Variants in AP4E1 observed in about 807,000 individuals in gnomAD.
AP4E1 encodes AP-4 complex subunit epsilon-1.
Under a neutral mutation model 128.2 loss-of-function variants are expected in AP4E1, and 56 were observed. The ratio of observed to expected loss-of-function variants is 0.44; its 90% CI spans 0.35 to 0.55. The LOEUF (loss-of-function observed/expected upper bound fraction) is 0.55, where lower values mean the gene tolerates loss of function less well. AP4E1 is among the 20% of genes least tolerant of loss of function. The pLI is 0.00. For synonymous variants in AP4E1, 484 were observed against 473.1 expected, an observed-to-expected ratio of 1.02 and a Z score of -0.30; for missense variants, 1,324 against 1,307.7, an observed-to-expected ratio of 1.01 and a Z score of -0.19.
intron 7 of AP4E1, 69 bp downstream of exon 7, chr15:50,931,040 T>C (rs2141158187): frequency 6.4e-7 from 1 of 1,567,106 alleles, no homozygotes; most frequent in Middle Eastern, 1.7e-4. Flanking sequence ...TTTAGTAACC[T>C]AGAGGTTTAA....
chr15:50,981,949 C>T (rs943061094), intron 15 of AP4E1, among the ~76,000 whole-genome samples: 1 of 151,816 alleles, frequency 6.6e-6, no homozygotes, highest in Admixed American at 6.6e-5. Context: ...GCCGGGCATG[C>T]TGGCACATGC....
At chr15:50,938,807 C>T (rs1441818190) in intron 8 of AP4E1, among the ~76,000 whole-genome samples, 1 of 152,114 alleles carries the variant, frequency 6.6e-6, no homozygotes, top group African/African-American at 2.4e-5. Flanking sequence ...GATACTCCCT[C>T]CAACAATAAC....
chr15:50,985,043 T>C (rs1476365513), intron 16 of AP4E1, among the ~76,000 whole-genome samples: 5 of 152,248 alleles, frequency 3.3e-5, no homozygotes, highest in Admixed American at 3.3e-4. Flanking sequence ...TTGATTTGCA[T>C]TCCTCTGATA....
intron 8 of AP4E1, among the ~76,000 whole-genome samples, chr15:50,939,591 T>C (rs1260804959): frequency 1.3e-5 from 2 of 152,202 alleles, no homozygotes; most frequent in Non-Finnish European, 2.9e-5. Flanking sequence ...ATCAATTTAA[T>C]TCATTTTCAG....
rs760668736 is a variant in AP4E1, at chr15:50,968,349, C to T, written c.1938C>T (p.Arg646=). The T allele has an allele frequency of 5.0e-6, 8 of 1,613,058 alleles. No individual in the cohort carries two copies. The Admixed American group carries it at 1.3e-4, about 27-fold the overall frequency. Residue 646 remains arginine (R), a synonymous_variant, in exon 15 of 21, where the codon CGC becomes CGT. Transcript: ENST00000261842. ...CGCCTTACAAACCTCCCCATCAACG[C>T]CAGGAGGAAAAGCTTTCTCAGGAAA... The part of the protein sequence containing the change: ...GAAPYKPPHQ[R]QEEKLSQEKV...
At chr15:50,928,712 ATG>A (rs1224168349) in intron 5 of AP4E1, among the ~76,000 whole-genome samples, 1 of 123,278 alleles carries the variant, frequency 8.1e-6, no homozygotes, top group African/African-American at 2.9e-5. Flanking sequence ...TTTGTTTTTC[ATG>A]TTTTTTTTTT....
At chr15:50,917,006 T>G (rs1225895724) in intron 3 of AP4E1, among the ~76,000 whole-genome samples, 4 of 152,214 alleles carry the variant, frequency 2.6e-5, no homozygotes, top group Non-Finnish European at 4.4e-5. Context: ...GCTCTTCCAG[T>G]CATATTCACG....
chr15:50,997,536 T>C lies in AP4E1; in HGVS notation c.2557T>C (p.Leu853=), dbSNP rs1196876091. 1.9e-6 allele frequency: 3 copies of C among 1,613,982 alleles called. No homozygotes were observed. The highest frequency in any genetic ancestry group is 2.5e-6 in the Non-Finnish European group (3 of 1,179,980). Residue 853 remains leucine (L), a synonymous_variant, in exon 18 of 21, where the codon TTG becomes CTG. Coordinates refer to ENST00000261842, the MANE Select transcript of AP4E1 (RefSeq NM_007347.5). ...GAAATTTTCTCTCACTTCAGAACTT[T>C]TGGATTCTGAGTCACTCACAGAACT... ...LKKFSLTSEL[L]DSESLTELPL... is the part of the protein sequence containing the mutation.
intron 13 of AP4E1, among the ~76,000 whole-genome samples, chr15:50,952,393 C>T (rs1234121320): frequency 3.3e-5 from 5 of 151,724 alleles, no homozygotes; most frequent in African/African-American, 1.2e-4. Flanking sequence ...ACCTGTAGTC[C>T]CAGCTACTCG....
chr15:50,916,651 A>C (rs760474782), intron 3 of AP4E1, among the ~76,000 whole-genome samples: 10 of 152,202 alleles, frequency 6.6e-5, no homozygotes, highest in Non-Finnish European at 1.2e-4. Context: ...TCTGAGACTG[A>C]GTGCACACAA....
At chr15:50,914,918 G>A (rs551562763) in intron 2 of AP4E1, among the ~76,000 whole-genome samples, 1 of 152,204 alleles carries the variant, frequency 6.6e-6, no homozygotes, top group African/African-American at 2.4e-5. Flanking sequence ...TATTAAAAAA[G>A]AGTGCCTATA....
intron 15 of AP4E1, among the ~76,000 whole-genome samples, chr15:50,980,972 C>T (rs763395180): frequency 2.0e-5 from 3 of 152,246 alleles, no homozygotes; most frequent in South Asian, 2.1e-4. Context: ...AGACTTTTCA[C>T]GGGTGTGGAG....
At chr15:50,982,558 T>C (rs1489326336) in intron 15 of AP4E1, among the ~76,000 whole-genome samples, 1 of 152,198 alleles carries the variant, frequency 6.6e-6, no homozygotes, top group East Asian at 1.9e-4. Flanking sequence ...ATCCTTGTTA[T>C]CAGATCAGCA....
chr15:50,966,531 CTTTTTTTTTTTT>C (rs11329556), intron 14 of AP4E1, among the ~76,000 whole-genome samples: 2 of 96,432 alleles, frequency 2.1e-5, no homozygotes, highest in East Asian at 3.6e-4. Flanking sequence ...TCTCAAGAAT[CTTTTTTTTTTTT>C]TTTTTTTTTT....
chr15:50,985,866 A>G lies in AP4E1; in HGVS notation c.2090+1721A>G, dbSNP rs1422013023. ...TGTGAAGACAGTCATTGGTAGCTTG[A>G]TGGGGATGGCATTGAATCTATAAAT... On this transcript the variant is annotated intron_variant, in intron 16 of 20. Coordinates refer to ENST00000261842, the MANE Select transcript of AP4E1 (RefSeq NM_007347.5). 4.6e-5 allele frequency among the ~76,000 whole-genome samples: 7 copies of G among 152,282 alleles called. 1 individual carries two copies. In the South Asian group the frequency reaches 1.4e-3, roughly 32 times the overall value.
At chr15:50,936,046 C>G (rs2063904540) in intron 8 of AP4E1, among the ~76,000 whole-genome samples, 1 of 152,152 alleles carries the variant, frequency 6.6e-6, no homozygotes, top group South Asian at 2.1e-4. Flanking sequence ...AGTTGATTGA[C>G]TTATGTATCT....
intron 3 of AP4E1, among the ~76,000 whole-genome samples, chr15:50,919,771 A>T (rs1256225802): frequency 6.6e-6 from 1 of 151,480 alleles, no homozygotes; most frequent in African/African-American, 2.4e-5. Flanking sequence ...AGTGGTAATC[A>T]TTTTTTAAAG....
chr15:50,962,065 G>T (rs925988551), intron 14 of AP4E1, among the ~76,000 whole-genome samples: 1 of 150,896 alleles, frequency 6.6e-6, no homozygotes, highest in Admixed American at 6.6e-5. Flanking sequence ...TAACCAGGGA[G>T]GTGGAAGACC....
chr15:50,908,058 G>T (rs548895464), upstream of AP4E1, among the ~76,000 whole-genome samples: 2 of 152,312 alleles, frequency 1.3e-5, no homozygotes, highest in East Asian at 3.9e-4. Context: ...TGCTGAGGAG[G>T]AGTCGGCAAG....
Sources: gnomAD v4.1 joint callset for allele counts (sites outside exome capture counted in the v4.1 genomes callset) on GRCh38, gnomAD v4.1.1 for gene constraint, MANE v1.5 for transcripts, NCBI Gene and HGNC (gene_info 2026-07-23, HGNC 2026-07-21) for gene names.